The following TMEM170A variants were observed in gnomAD, a reference collection of about 807,000 sequenced individuals.
The protein encoded by TMEM170A is transmembrane protein 170.
TMEM170A carries 18 observed loss-of-function variants against 12.8 expected under a neutral mutation model. The observed-to-expected ratio is 1.41, with a 90% CI of 0.97 to 2.09. The LOEUF (loss-of-function observed/expected upper bound fraction) is 2.09, where lower values mean the gene tolerates loss of function less well. Among genes scored for constraint, TMEM170A ranks in the 30% most tolerant of loss-of-function variants. The pLI, the probability that TMEM170A is intolerant of heterozygous loss-of-function variation, is 0.00. For synonymous variants in TMEM170A, 107 were observed against 76.2 expected, an observed-to-expected ratio of 1.40 and a Z score of -2.11; for missense variants, 220 against 179.9, an observed-to-expected ratio of 1.22 and a Z score of -1.28.
intron 2 of TMEM170A, chr16:75,451,357 GC>G (rs1041008465): frequency 8.8e-6 from 4 of 455,904 alleles, no homozygotes; most frequent in African/African-American, 4.0e-5. Context: ...CGAGACCCGG[GC>G]AACATGACGA....
intron 1 of TMEM170A, among the ~76,000 whole-genome samples, chr16:75,455,357 A>AAAAAC (rs68098843): frequency 3.7e-4 from 1 of 2,670 alleles, no homozygotes; most frequent in Non-Finnish European, 1.4e-3. Context: ...ACACTGTCTC[A>AAAAAC]AAAAAAAAAA....
In TMEM170A at chr16:75,444,180, A is replaced by C. The variant is rs556631398; in HGVS notation, c.*3378T>G. On this transcript the variant is annotated 3_prime_UTR_variant, in exon 3 of 3. Coordinates refer to ENST00000561878, the MANE Select transcript of TMEM170A (RefSeq NM_145254.3). ...TGCATTTCTTTTTTTTTAAAAAACAAAGCAGAGGCCGGGTGTGGTGGCTCA... is the reference window on the plus strand; with the variant it reads ...TGCATTTCTTTTTTTTTAAAAAACACAGCAGAGGCCGGGTGTGGTGGCTCA... 1 of 152,156 alleles carries C rather than the reference A, an allele frequency of 6.6e-6. No homozygotes were observed. The highest frequency in any genetic ancestry group is 1.9e-4 in the East Asian group (1 of 5,178). The allele number at this position is 152,156 out of a possible 1,614,324, so 9.4% of individuals were successfully genotyped here.
intron 1 of TMEM170A, among the ~76,000 whole-genome samples, chr16:75,455,180 AC>A (rs1158245314): frequency 6.6e-6 from 1 of 151,872 alleles, no homozygotes; most frequent in Non-Finnish European, 1.5e-5. Context: ...ACACGGTAAA[AC>A]CCCGTCTCTA....
At chr16:75,455,356 C>CAAAA (rs59205915) in intron 1 of TMEM170A, among the ~76,000 whole-genome samples, 51,879 of 110,290 alleles carry the variant, frequency 0.47, 13,524 homozygotes, top group East Asian at 0.57. Flanking sequence ...GACACTGTCT[C>CAAAA]AAAAAAAAAA....
chr16:75,450,106 TC>T (rs1233032435), intron 2 of TMEM170A, among the ~76,000 whole-genome samples: 1 of 150,484 alleles, frequency 6.6e-6, no homozygotes, highest in Non-Finnish European at 1.5e-5. Context: ...CAGCCAGTCA[TC>T]CTGGGGCAGA....
chr16:75,453,860 T>C (rs8046416), intron 1 of TMEM170A, among the ~76,000 whole-genome samples: 113,944 of 152,168 alleles, frequency 0.75, 42,885 homozygotes, highest in Non-Finnish European at 0.79. Context: ...GAGGCACCCA[T>C]ATAAAGAAAA....
At chr16:75,463,898 GT>G (rs2079949167) in intron 1 of TMEM170A, among the ~76,000 whole-genome samples, 1 of 152,224 alleles carries the variant, frequency 6.6e-6, no homozygotes, top group African/African-American at 2.4e-5. Context: ...CCAGCAACAG[GT>G]GGCACCAGGT....
At position 75,449,742 on chromosome 16, in the gene TMEM170A, C is replaced by T. The variant is rs977320154; in HGVS notation, c.304+1927G>A. Among the ~76,000 whole-genome samples the T allele has an allele frequency of 3.3e-5, 5 of 152,182 alleles. No individual in the cohort carries two copies. In the South Asian group the frequency reaches 6.2e-4, roughly 19 times the overall value. On this transcript the variant is annotated intron_variant, in intron 2 of 2. Transcript: ENST00000561878. ...AAAATGCCCAGCTCCACTGGCAATG[C>T]GTACATTTTGTTACTAACATCTGAA...
At chr16:75,450,681 G>A (rs1376468789) in intron 2 of TMEM170A, among the ~76,000 whole-genome samples, 1 of 151,898 alleles carries the variant, frequency 6.6e-6, no homozygotes, top group Admixed American at 6.6e-5. Flanking sequence ...TTTCCCCCGG[G>A]TCTTGCTCTG....
chr16:75,452,155 TAG>T (rs2079700721), intron 1 of TMEM170A, among the ~76,000 whole-genome samples: 1 of 151,774 alleles, frequency 6.6e-6, no homozygotes, highest in African/African-American at 2.4e-5. Context: ...GTATTTTTAG[TAG>T]AGACGGGGTT....
chr16:75,456,483 AGTC>A, intron 1 of TMEM170A, among the ~76,000 whole-genome samples: 1 of 152,114 alleles, frequency 6.6e-6, no homozygotes, highest in East Asian at 1.9e-4. Flanking sequence ...GCGACTCAGG[AGTC>A]TTCCTCCACC....
Position 75,464,678 on chromosome 16 carries a change from C to A in TMEM170A, c.-78G>T. 3 of 1,509,128 alleles carry A rather than the reference C, an allele frequency of 2.0e-6. No individual in the cohort carries two copies. The highest frequency in any genetic ancestry group is 2.6e-6 in the Non-Finnish European group (3 of 1,136,906). 93.5% of individuals were successfully genotyped at this position (1,509,128 alleles called of 1,614,324 possible). ...GCGGCCGGCGCCGACTCACCCTCGCCGCCTCAGCGTCACCTCCAGCCGGGG... is the reference window on the plus strand; with the variant it reads ...GCGGCCGGCGCCGACTCACCCTCGCAGCCTCAGCGTCACCTCCAGCCGGGG... On this transcript the variant is annotated 5_prime_UTR_variant, in exon 1 of 3. Coordinates refer to ENST00000561878, the MANE Select transcript of TMEM170A (RefSeq NM_145254.3).
chr16:75,447,607 G>T lies in TMEM170A; in HGVS notation c.386C>A (p.Thr129Lys). Reference sequence around the variant, plus strand: ...AAAGGAGACCACCAAGACGCAAAATGTCTGTCCAGTGCCCAGTGTGAGGGC... The same window carrying T: ...AAAGGAGACCACCAAGACGCAAAATTTCTGTCCAGTGCCCAGTGTGAGGGC... ...FEALTLGTGQTFCVLVVSFLR... is the reference protein window; with the variant it reads ...FEALTLGTGQKFCVLVVSFLR... The change falls in exon 3 of 3, where the codon ACA becomes AAA. Residue 129 changes from threonine to lysine, a missense_variant. Thr to Lys is a moderately conservative substitution (Grantham distance 78). Transcript: ENST00000561878. The T allele has an allele frequency of 6.2e-7, 1 of 1,613,258 alleles. No individual in the cohort carries two copies. Among genetic ancestry groups the T allele is most frequent in the Non-Finnish European group, 8.5e-7 (1 of 1,179,694 alleles).
chr16:75,455,923 G>A (rs1227281738), intron 1 of TMEM170A, among the ~76,000 whole-genome samples: 1 of 152,110 alleles, frequency 6.6e-6, no homozygotes, highest in Admixed American at 6.6e-5. Flanking sequence ...GAGGAGAGGA[G>A]GACCAGAAGC....
In TMEM170A at chr16:75,451,769, C is replaced by T. The variant is rs115704147; in HGVS notation, c.204G>A (p.Leu68=). The change falls in exon 2 of 3, where the codon CTG becomes CTA. Residue 68 remains leucine, a synonymous_variant. Coordinates refer to ENST00000561878, the MANE Select transcript of TMEM170A (RefSeq NM_145254.3). ...SLFFHVPAGL[L]ALFTLRHHKY... ...TGTGATGTCTGAGGGTGAAGAGGGCCAGTAATCCAGCAGGGACATGAAAGA... is the reference window on the plus strand; with the variant it reads ...TGTGATGTCTGAGGGTGAAGAGGGCTAGTAATCCAGCAGGGACATGAAAGA... 1.2e-5 allele frequency: 19 copies of T among 1,613,994 alleles called. No homozygotes were observed. Among genetic ancestry groups the T allele is most frequent in the Non-Finnish European group, 1.6e-5 (19 of 1,180,014 alleles).
In TMEM170A at chr16:75,448,721, G is replaced by A. The variant is rs142304020; in HGVS notation, c.305-1033C>T. ...GGAGGTTGTTGTGAGCTCACATCGCGACACTGCACTCAAGCCTGGGCAACA... is the reference window on the plus strand; with the variant it reads ...GGAGGTTGTTGTGAGCTCACATCGCAACACTGCACTCAAGCCTGGGCAACA... On this transcript the variant is annotated intron_variant, in intron 2 of 2. Coordinates refer to ENST00000561878, the MANE Select transcript of TMEM170A (RefSeq NM_145254.3). Among the ~76,000 whole-genome samples the A allele has an allele frequency of 4.2e-4, 63 of 151,568 alleles. 1 individual carries two copies. In the East Asian group the frequency reaches 0.011, roughly 26 times the overall value.
rs1346066431 is a variant in TMEM170A at position 75,464,266 on chromosome 16, A to G, written c.133+202T>C. The G allele has an allele frequency of 1.1e-5, 17 of 1,494,374 alleles. No homozygotes were observed. The East Asian group carries it at 2.0e-4, about 17-fold the overall frequency. The allele number at this position is 1,494,374 out of a possible 1,614,324, so 92.6% of individuals were successfully genotyped here. On this transcript the variant is annotated intron_variant, in intron 1 of 2. Coordinates refer to ENST00000561878, the MANE Select transcript of TMEM170A (RefSeq NM_145254.3). ...CTCTCTGCATCTCACGCCCAGCGGG[A>G]CTCCGGGGCTCCGCCTCAGGGACCG... is the stretch of plus-strand genomic sequence containing the variant.
In TMEM170A at chr16:75,454,194, C is replaced by G. The variant is rs182925224; in HGVS notation, c.134-2355G>C. Among the ~76,000 whole-genome samples, 566 of 134,198 alleles carry G rather than the reference C, an allele frequency of 4.2e-3. 4 individuals are homozygous for G. Among genetic ancestry groups the G allele is most frequent in the African/African-American group, 0.013 (540 of 40,086 alleles). 88.0% of individuals were successfully genotyped at this position (134,198 alleles called of 152,430 possible). On this transcript the variant is annotated intron_variant, in intron 1 of 2. Coordinates refer to ENST00000561878, the MANE Select transcript of TMEM170A (RefSeq NM_145254.3). ...GTGCACTGCAGGATATGGAGAGGCA[C>G]CTCTGGCCTGCAGCACTCTATTCCC... is the stretch of plus-strand genomic sequence containing the variant.
At position 75,445,109 on chromosome 16, in the gene TMEM170A, C is replaced by G. The variant is rs1597428851; in HGVS notation, c.*2449G>C. 6.6e-6 allele frequency: 1 copy of G among 152,160 alleles called. No individual in the cohort carries two copies. Among genetic ancestry groups the G allele is most frequent in the Non-Finnish European group, 1.5e-5 (1 of 68,010 alleles). The allele number at this position is 152,160 out of a possible 1,614,324, so 9.4% of individuals were successfully genotyped here. A position where few individuals can be genotyped will look rare whatever the true frequency, so the allele number is the denominator to read the frequency against. On this transcript the variant is annotated 3_prime_UTR_variant, in exon 3 of 3. Transcript: ENST00000561878. ...TTTCCCATAAGAAAAGTTACCAATT[C>G]CCCAGATTTCTTAAACTGAAGGGAT...
Sources: gnomAD v4.1 joint callset for allele counts (sites outside exome capture counted in the v4.1 genomes callset) on GRCh38, gnomAD v4.1.1 for gene constraint, MANE v1.5 for transcripts, NCBI Gene and HGNC (gene_info 2026-07-23, HGNC 2026-07-21) for gene names.